The following WDPCP variants were observed in gnomAD, a reference collection of about 807,000 sequenced individuals.
The protein encoded by WDPCP is WD repeat containing planar cell polarity effector.
WDPCP carries 71 observed loss-of-function variants against 93.1 expected under a neutral mutation model. The observed-to-expected ratio is 0.76, with a 90% CI of 0.63 to 0.93. WDPCP has a LOEUF of 0.93. WDPCP is among the 40% of genes least tolerant of loss of function. The pLI, the probability that WDPCP is intolerant of heterozygous loss-of-function variation, is 0.00. For synonymous variants in WDPCP, 315 were observed against 315.0 expected (o/e 1.00, Z 0.00); for missense variants, 844 against 887.4 (o/e 0.95, Z 0.62).
In WDPCP at chr2:63,802,003, T is replaced by C. The variant is rs553978991; in HGVS notation, n.308+11619A>G. 4.6e-4 allele frequency among the ~76,000 whole-genome samples: 70 copies of C among 152,278 alleles called. 1 individual carries two copies. Among genetic ancestry groups the C allele is most frequent in the African/African-American group, 1.6e-3 (67 of 41,552 alleles). On this transcript the variant is annotated intron_variant and non_coding_transcript_variant, in intron 2 of 4. Transcript: ENST00000467687. ...AAGTCCATAAAGTCAAGAGGAAGGT[T>C]AGTAAGCACCACCTCTTCAAGAAAG...
intron 1 of WDPCP, among the ~76,000 whole-genome samples, chr2:63,521,600 C>G (rs1264672102): frequency 6.6e-6 from 1 of 152,140 alleles, no homozygotes; most frequent in African/African-American, 2.4e-5. Flanking sequence ...ACCCCATTGA[C>G]AGTATTAGAC....
intron 13 of WDPCP, among the ~76,000 whole-genome samples, chr2:63,282,233 G>A (rs937427377): frequency 8.5e-5 from 13 of 152,290 alleles, no homozygotes; most frequent in African/African-American, 2.4e-4. Flanking sequence ...GGGCTCGGGC[G>A]CAGTGGCTCA....
intron 2 of WDPCP, among the ~76,000 whole-genome samples, chr2:63,741,353 A>G (rs1669711776): frequency 6.6e-6 from 1 of 151,830 alleles, no homozygotes; most frequent in Non-Finnish European, 1.5e-5. Flanking sequence ...GTACACCCTG[A>G]GTTAAGATAC....
chr2:63,328,950 A>G (rs562836746), intron 12 of WDPCP, among the ~76,000 whole-genome samples: 1 of 151,970 alleles, frequency 6.6e-6, no homozygotes, highest in South Asian at 2.1e-4. Flanking sequence ...CTGGTCTCGA[A>G]CTCCTGGGTC....
At chr2:63,741,572 G>T (rs962864234) in intron 2 of WDPCP, among the ~76,000 whole-genome samples, 1 of 151,834 alleles carries the variant, frequency 6.6e-6, no homozygotes, top group Non-Finnish European at 1.5e-5. Flanking sequence ...TGGTTTACCT[G>T]CATGATTACA....
chr2:63,495,008 G>T (rs1349799526), intron 1 of WDPCP, among the ~76,000 whole-genome samples: 1 of 151,730 alleles, frequency 6.6e-6, no homozygotes, highest in Admixed American at 6.6e-5. Flanking sequence ...AAGTAGGAAA[G>T]GGTAAGGAGG....
At chr2:63,134,812 A>C (rs1009135658) in intron 17 of WDPCP, among the ~76,000 whole-genome samples, 2 of 152,180 alleles carry the variant, frequency 1.3e-5, no homozygotes, top group African/African-American at 4.8e-5. Context: ...GTTAAGGTCC[A>C]TTTAAATGTG....
intron 2 of WDPCP, among the ~76,000 whole-genome samples, chr2:63,788,187 C>G (rs1197542503): frequency 3.9e-5 from 6 of 152,096 alleles, no homozygotes; most frequent in Non-Finnish European, 8.8e-5. Flanking sequence ...AATGACTACA[C>G]AGCCCTTCAA....
At chr2:63,250,269 T>G (rs983280437) in intron 14 of WDPCP, among the ~76,000 whole-genome samples, 2 of 152,184 alleles carry the variant, frequency 1.3e-5, no homozygotes, top group African/African-American at 4.8e-5. Flanking sequence ...GTGGGTACAC[T>G]GGACAAAGGG....
chr2:63,522,391 C>T (rs920229844), intron 1 of WDPCP, among the ~76,000 whole-genome samples: 3 of 148,352 alleles, frequency 2.0e-5, no homozygotes, highest in African/African-American at 5.0e-5. Context: ...CCAAAGCTAG[C>T]GGAAGACAAG....
At position 63,404,465 on chromosome 2, in the gene WDPCP, C is replaced by A. The variant is rs779714128; in HGVS notation, c.1018G>T (p.Ala340Ser). 7 of 1,613,990 alleles carry A rather than the reference C, an allele frequency of 4.3e-6. No individual in the cohort carries two copies. The Admixed American group carries it at 8.3e-5, about 19-fold the overall frequency. Reference protein sequence around the residue: ...SVTRIPLKSKAISCCRNVTED... With the variant: ...SVTRIPLKSKSISCCRNVTED... ...GTAACATTCCTGCAGCAGCTGATGG[C>A]CTTTGACTTTAGTGGTATTCTGGTG... The change falls in exon 10 of 18, where the codon GCC becomes TCC. Residue 340 changes from alanine to serine, a missense_variant. Ala to Ser is a moderately conservative substitution (Grantham distance 99). Transcript: ENST00000272321.
Position 63,615,428 on chromosome 2 carries a change from A to C in WDPCP, n.488+35231T>G, listed in dbSNP as rs531717218. ...TAGGAAAGAAATAAGCAATGCGAAG[A>C]AGCTCAGGCCAAGGAGCCGTCTGCA... On this transcript the variant is annotated intron_variant and non_coding_transcript_variant, in intron 3 of 4. Coordinates refer to the WDPCP transcript ENST00000467687. Among the ~76,000 whole-genome samples the C allele has an allele frequency of 5.3e-5, 8 of 152,300 alleles. No homozygotes were observed. In the South Asian group the frequency reaches 8.3e-4, roughly 16 times the overall value.
At chr2:63,354,998 G>C (rs1689907168) in intron 12 of WDPCP, among the ~76,000 whole-genome samples, 1 of 152,176 alleles carries the variant, frequency 6.6e-6, no homozygotes. Flanking sequence ...GGGGGAGAAA[G>C]CAAACATGTG....
chr2:63,171,706 G>A (rs1163673786), intron 15 of WDPCP, among the ~76,000 whole-genome samples: 1 of 152,160 alleles, frequency 6.6e-6, no homozygotes, highest in Non-Finnish European at 1.5e-5. Context: ...CAAGAGAAAT[G>A]AAAATATATG....
chr2:63,243,228 T>C (rs1207048719), intron 14 of WDPCP, among the ~76,000 whole-genome samples: 2 of 152,152 alleles, frequency 1.3e-5, no homozygotes, highest in African/African-American at 4.8e-5. Flanking sequence ...CTCACACAAA[T>C]GGCTGGTGTG....
chr2:63,401,113 A>G (rs1694116679), intron 10 of WDPCP, among the ~76,000 whole-genome samples: 1 of 152,208 alleles, frequency 6.6e-6, no homozygotes, highest in South Asian at 2.1e-4. Flanking sequence ...AAAAACCAAA[A>G]GCAATTGCAA....
At chr2:63,779,195 G>A (rs925316942) in intron 2 of WDPCP, among the ~76,000 whole-genome samples, 1 of 152,142 alleles carries the variant, frequency 6.6e-6, no homozygotes, top group Non-Finnish European at 1.5e-5. Flanking sequence ...AATACTTTTA[G>A]ATAAATCACT....
chr2:63,697,672 G>C (rs915533434), intron 2 of WDPCP, among the ~76,000 whole-genome samples: 4 of 152,080 alleles, frequency 2.6e-5, no homozygotes, highest in Admixed American at 1.3e-4. Context: ...TTTTGAAACA[G>C]AGTCTCACTC....
intron 2 of WDPCP, among the ~76,000 whole-genome samples, chr2:63,759,882 C>G (rs2103910610): frequency 6.6e-6 from 1 of 152,372 alleles, no homozygotes; most frequent in Admixed American, 6.5e-5. Flanking sequence ...TACTGTGGCA[C>G]TATCAGTACA....
Sources: allele counts gnomAD v4.1 joint callset (sites outside exome capture counted in the v4.1 genomes callset), GRCh38; gene constraint gnomAD v4.1.1; transcripts MANE v1.5; gene names NCBI Gene and HGNC (gene_info 2026-07-23, HGNC 2026-07-21).